The following TRPV3 variants were observed in gnomAD, a reference collection of about 807,000 sequenced individuals.
TRPV3 encodes the protein transient receptor potential cation channel subfamily V member 3, also known as VRL-3.
Under a neutral mutation model 87.1 loss-of-function variants are expected in TRPV3, and 88 were observed. The observed-to-expected ratio is 1.01, with a 90% CI of 0.85 to 1.21. The LOEUF (loss-of-function observed/expected upper bound fraction) is 1.21, where lower values mean the gene tolerates loss of function less well. Among genes scored for constraint, TRPV3 ranks in the 50% most tolerant of loss-of-function variants. The pLI is 0.00. For missense variants in TRPV3, 1,054 were observed against 1,030.1 expected (o/e 1.02, Z -0.32); for synonymous variants, 438 against 423.3 (o/e 1.03, Z -0.43).
Position 3,523,890 on chromosome 17 carries a change from A to G in TRPV3, c.1743+308T>C, listed in dbSNP as rs572512170. Among the ~76,000 whole-genome samples the G allele has an allele frequency of 4.8e-4, 70 of 147,340 alleles. 1 individual carries two copies. The highest frequency in any genetic ancestry group is 1.3e-3 in the South Asian group (6 of 4,794). On this transcript the variant is annotated intron_variant, in intron 13 of 17. Transcript: ENST00000576742. Reference sequence around the variant, plus strand: ...TATATATATGGAATATACATATTCCACCTACACACACACACATACACACAC... The same window carrying G: ...TATATATATGGAATATACATATTCCGCCTACACACACACACATACACACAC...
intron 8 of TRPV3, among the ~76,000 whole-genome samples, chr17:3,531,768 A>G (rs80071034): frequency 0.028 from 4,186 of 152,210 alleles, 97 homozygotes; most frequent in Non-Finnish European, 0.046. Flanking sequence ...GCAGACACAC[A>G]ATTCCTCCTC....
At position 3,518,435 on chromosome 17, in the gene TRPV3, T is replaced by G. The variant is rs1335256381; in HGVS notation, c.2085+141A>C. 3 of 1,032,208 alleles carry G rather than the reference T, an allele frequency of 2.9e-6. No individual in the cohort carries two copies. In the Admixed American group the frequency reaches 8.5e-5, roughly 29 times the overall value. 63.9% of individuals were successfully genotyped at this position (1,032,208 alleles called of 1,614,324 possible). ...TCAAAGAACCTAGGCTAAGGCCTCCTCAAACCTGGCCACACACTGAGGAGC... is the reference window on the plus strand; with the variant it reads ...TCAAAGAACCTAGGCTAAGGCCTCCGCAAACCTGGCCACACACTGAGGAGC... On this transcript the variant is annotated intron_variant, in intron 15 of 17. Coordinates refer to ENST00000576742, the MANE Select transcript of TRPV3 (RefSeq NM_145068.4). The surrounding 1 kb of genome is among the most constrained non-coding windows in gnomAD (Gnocchi z 4.3).
intron 2 of TRPV3, among the ~76,000 whole-genome samples, chr17:3,551,717 A>G (rs550789775): frequency 6.6e-6 from 1 of 152,148 alleles, no homozygotes; most frequent in Non-Finnish European, 1.5e-5. Context: ...AGCCAAGATG[A>G]CAGCTGCTCT....
At chr17:3,527,817 G>A (rs980071050) in intron 11 of TRPV3, 2 of 575,928 alleles carry the variant, frequency 3.5e-6, no homozygotes, top group South Asian at 2.0e-5. Flanking sequence ...CGGATAGTTG[G>A]GCAGATGGAT....
intron 12 of TRPV3, among the ~76,000 whole-genome samples, chr17:3,525,033 G>A (rs930413778): frequency 6.6e-6 from 1 of 151,932 alleles, no homozygotes; most frequent in Non-Finnish European, 1.5e-5. Flanking sequence ...GGGGTCAGGG[G>A]GGCAGAGACA....
intron 16 of TRPV3, 114 bp downstream of exon 16, chr17:3,516,343 G>C: frequency 1.2e-6 from 1 of 823,308 alleles, no homozygotes; most frequent in Middle Eastern, 2.5e-4. Context: ...AGAGACAGTA[G>C]CTGTGGTTAT....
chr17:3,522,974 G>T (rs1415954884), intron 13 of TRPV3, among the ~76,000 whole-genome samples: 1 of 151,376 alleles, frequency 6.6e-6, no homozygotes, highest in East Asian at 1.9e-4. Flanking sequence ...GGTACTATCT[G>T]CAGTTTCAGG....
chr17:3,524,396 C>A (rs778189941), intron 12 of TRPV3, 33 bp from the exon 13 acceptor site: 1 of 1,611,194 alleles, frequency 6.2e-7, no homozygotes. Context: ...ACGGGCCTTA[C>A]TTACTTCTCA....
rs1182023610 is a variant in TRPV3 at position 3,530,747 on chromosome 17, T to G, written c.1066-544A>C. ...AAACTCTGCTGCATGTTAGGGCTGC[T>G]GGGAAACTTAGAAATTCCCACAGCA... On this transcript the variant is annotated intron_variant, in intron 8 of 17. Transcript: ENST00000576742. The surrounding 1 kb of genome is among the most constrained non-coding windows in gnomAD (Gnocchi z 4.0). Among the ~76,000 whole-genome samples, 1 of 152,160 alleles carries G rather than the reference T, an allele frequency of 6.6e-6. No individual in the cohort carries two copies. The highest frequency in any genetic ancestry group is 2.4e-5 in the African/African-American group (1 of 41,442).
chr17:3,514,777 G>T, intron 16 of TRPV3, 105 bp from the exon 17 acceptor site: 1 of 865,132 alleles, frequency 1.2e-6, no homozygotes, highest in Non-Finnish European at 1.9e-6. Context: ...CTCCCCTTCT[G>T]TCTGTCCTAG....
chr17:3,519,417 G>T (rs1160216654), intron 14 of TRPV3, among the ~76,000 whole-genome samples: 2 of 136,318 alleles, frequency 1.5e-5, no homozygotes, highest in Non-Finnish European at 3.1e-5. Context: ...TGGATGGATG[G>T]ATGATTGGAT....
rs775519283 is a variant in TRPV3, at chr17:3,530,163, C to T, written c.1106G>A (p.Arg369Gln). The change falls in exon 9 of 18, where the codon CGG becomes CAG. Residue 369 changes from arginine to glutamine, a missense_variant. Coordinates refer to ENST00000576742, the MANE Select transcript of TRPV3 (RefSeq NM_145068.4). The surrounding 1 kb of genome is among the most constrained non-coding windows in gnomAD (Gnocchi z 4.0). ...GAACTTCCTGGACAGGCTCCGGAGC[C>T]GCTTCTCCTTGATCTCACGACTGAG... ...YILSREIKEK[R>Q]LRSLSRKFTD... 7.4e-6 allele frequency: 12 copies of T among 1,613,732 alleles called. No individual in the cohort carries two copies. The highest frequency in any genetic ancestry group is 6.6e-5 in the South Asian group (6 of 90,988).
chr17:3,532,458 C>T (rs1006031178), intron 8 of TRPV3, among the ~76,000 whole-genome samples, 199 bp downstream of exon 8: 4 of 152,258 alleles, frequency 2.6e-5, no homozygotes, highest in Admixed American at 1.3e-4. Context: ...TGGGCTGCAT[C>T]GCACCAGCTC....
In TRPV3 at chr17:3,518,684, G is replaced by A; in HGVS notation, c.1977C>T (p.Ile659=). The stretch of plus-strand genomic sequence containing the variant: ...GAACAAAGGTGAGGATGACATAGGT[G>A]ATGAGCAGGAACAGAAAGAGAATGG... ...KYPILFLFLL[I]TYVILTFVLL... Residue 659 remains isoleucine (I), a synonymous_variant, in exon 15 of 18, where the codon ATC becomes ATT. Transcript: ENST00000576742. The surrounding 1 kb of genome is among the most constrained non-coding windows in gnomAD (Gnocchi z 4.3). 2.5e-6 allele frequency: 4 copies of A among 1,609,330 alleles called. No homozygotes were observed. The highest frequency in any genetic ancestry group is 3.4e-6 in the Non-Finnish European group (4 of 1,177,930).
intron 14 of TRPV3, among the ~76,000 whole-genome samples, chr17:3,519,429 G>GATGGATGA (rs2074214911): frequency 7.0e-6 from 1 of 143,746 alleles, no homozygotes; most frequent in Non-Finnish European, 1.5e-5. Context: ...TGATTGGATG[G>GATGGATGA]ATGGATGGAT....
intron 5 of TRPV3, 68 bp downstream of exon 5, chr17:3,543,406 G>A: frequency 1.3e-6 from 2 of 1,586,110 alleles, no homozygotes; most frequent in Non-Finnish European, 1.7e-6. Flanking sequence ...TGAGGGGAGG[G>A]GAAAATGGGC....
chr17:3,543,089 A>T (rs556476177), intron 5 of TRPV3, among the ~76,000 whole-genome samples: 1 of 150,574 alleles, frequency 6.6e-6, no homozygotes, highest in African/African-American at 2.4e-5. Context: ...TCCACCAGCC[A>T]CCAAGCTACC....
intron 8 of TRPV3, 149 bp downstream of exon 8, chr17:3,532,508 G>A (rs1419871324): frequency 1.6e-5 from 17 of 1,039,988 alleles, no homozygotes; most frequent in Middle Eastern, 3.1e-4. Context: ...CGGCCGCCAC[G>A]CCACTGCAGT....
At chr17:3,524,977 C>A (rs2074282635) in intron 12 of TRPV3, among the ~76,000 whole-genome samples, 1 of 152,026 alleles carries the variant, frequency 6.6e-6, no homozygotes, top group Non-Finnish European at 1.5e-5. Context: ...CCAATCATAG[C>A]AAAAGTCCCC....
Sources: gnomAD v4.1 joint callset for allele counts (sites outside exome capture counted in the v4.1 genomes callset) on GRCh38, gnomAD v4.1.1 for gene constraint, Gnocchi (gnomAD v3.1) non-coding constraint, MANE v1.5 for transcripts, NCBI Gene and HGNC (gene_info 2026-07-23, HGNC 2026-07-21) for gene names.